The following UBE2E2 variants were observed in gnomAD, a reference collection of about 807,000 sequenced individuals.
The protein encoded by UBE2E2 is ubiquitin conjugating enzyme E2 E2.
Under a neutral mutation model 24.7 loss-of-function variants are expected in UBE2E2, and 6 were observed. That is an observed-to-expected ratio of 0.24 (90% CI 0.13 to 0.48). UBE2E2 has a LOEUF of 0.48. Among genes scored for constraint, UBE2E2 ranks in the 20% least tolerant of loss-of-function variants. The pLI is 0.99. For synonymous variants in UBE2E2, 104 were observed against 83.6 expected (o/e 1.24, Z -1.33); for missense variants, 169 against 245.0 (o/e 0.69, Z 2.07).
chr3:23,497,476 T>C (rs927797676), intron 3 of UBE2E2, among the ~76,000 whole-genome samples: 9 of 152,350 alleles, frequency 5.9e-5, no homozygotes, highest in African/African-American at 1.9e-4. Context: ...GCTACAAAAT[T>C]ATTACAGTAG....
intron 3 of UBE2E2, among the ~76,000 whole-genome samples, chr3:23,409,692 T>C: frequency 6.6e-6 from 1 of 152,172 alleles, no homozygotes; most frequent in Non-Finnish European, 1.5e-5. Context: ...AAAAGAAATT[T>C]ATTCTCTTGC....
intron 3 of UBE2E2, among the ~76,000 whole-genome samples, chr3:23,394,386 A>G (rs1697026297): frequency 6.6e-6 from 1 of 152,212 alleles, no homozygotes; most frequent in Non-Finnish European, 1.5e-5. Flanking sequence ...GTCCTCAAGC[A>G]TGTTCACCAT....
At chr3:23,423,296 A>G (rs1416195488) in intron 3 of UBE2E2, among the ~76,000 whole-genome samples, 1 of 152,230 alleles carries the variant, frequency 6.6e-6, no homozygotes, top group Non-Finnish European at 1.5e-5. Context: ...GATCTAATAC[A>G]TTAGCAAAGT....
intron 3 of UBE2E2, among the ~76,000 whole-genome samples, chr3:23,454,912 C>A (rs921355534): frequency 6.6e-6 from 1 of 152,054 alleles, no homozygotes; most frequent in Non-Finnish European, 1.5e-5. Context: ...GTTTACCTTA[C>A]GTTTTGCAGT....
intron 3 of UBE2E2, among the ~76,000 whole-genome samples, chr3:23,367,677 A>G (rs1317719386): frequency 1.3e-5 from 2 of 152,144 alleles, no homozygotes; most frequent in African/African-American, 4.8e-5. Context: ...GGGCAGATTA[A>G]TTGAACCCAA....
chr3:23,511,152 A>G (rs1312995128), intron 4 of UBE2E2, among the ~76,000 whole-genome samples: 1 of 152,210 alleles, frequency 6.6e-6, no homozygotes, highest in Non-Finnish European at 1.5e-5. Flanking sequence ...GAGCAAGATA[A>G]TACTTTGTAG....
intron 3 of UBE2E2, among the ~76,000 whole-genome samples, chr3:23,230,635 A>T (rs1329201385): frequency 2.0e-5 from 3 of 151,844 alleles, no homozygotes; most frequent in African/African-American, 7.3e-5. Context: ...AAATACAAAA[A>T]ATTAGCCCGG....
intron 3 of UBE2E2, among the ~76,000 whole-genome samples, chr3:23,476,941 T>G (rs557949349): frequency 6.6e-6 from 1 of 152,286 alleles, no homozygotes; most frequent in Non-Finnish European, 1.5e-5. Context: ...GAAGTTTGTG[T>G]TAAGTTCCTT....
chr3:23,555,916 T>C (rs528386998), intron 5 of UBE2E2, among the ~76,000 whole-genome samples: 1 of 152,172 alleles, frequency 6.6e-6, no homozygotes, highest in African/African-American at 2.4e-5. Flanking sequence ...GGATATAAAG[T>C]AACAAGTAGA....
chr3:23,341,537 G>A (rs1416297643), intron 3 of UBE2E2, among the ~76,000 whole-genome samples: 1 of 152,110 alleles, frequency 6.6e-6, no homozygotes, highest in Non-Finnish European at 1.5e-5. Flanking sequence ...TTTGAGTGTA[G>A]GTAAGCTTAG....
chr3:23,531,799 C>A (rs998804818), intron 4 of UBE2E2, among the ~76,000 whole-genome samples: 1 of 152,080 alleles, frequency 6.6e-6, no homozygotes, highest in African/African-American at 2.4e-5. Flanking sequence ...TGTTGGCTTA[C>A]ACCTGTAATC....
chr3:23,420,168 G>A (rs527968927), intron 3 of UBE2E2, among the ~76,000 whole-genome samples: 1 of 152,290 alleles, frequency 6.6e-6, no homozygotes, highest in East Asian at 1.9e-4. Flanking sequence ...TCTGCTAAAT[G>A]TAAGCTCTTT....
chr3:23,228,009 A>C (rs1156614756), intron 3 of UBE2E2, among the ~76,000 whole-genome samples: 2 of 152,194 alleles, frequency 1.3e-5, no homozygotes, highest in Non-Finnish European at 2.9e-5. Context: ...TTGTTATTTC[A>C]AATGGGGAAC....
intron 3 of UBE2E2, among the ~76,000 whole-genome samples, chr3:23,334,274 C>T (rs945989383): frequency 2.0e-5 from 3 of 151,798 alleles, no homozygotes; most frequent in Non-Finnish European, 4.4e-5. Flanking sequence ...TCTAGTAAAA[C>T]TTACTAGTAC....
chr3:23,513,017 C>G (rs1346273490), intron 4 of UBE2E2, among the ~76,000 whole-genome samples: 1 of 152,062 alleles, frequency 6.6e-6, no homozygotes, highest in Non-Finnish European at 1.5e-5. Flanking sequence ...TATGTTTCCC[C>G]CATACTTGGC....
intron 5 of UBE2E2, among the ~76,000 whole-genome samples, chr3:23,556,472 AGC>A (rs1695789371): frequency 1.3e-5 from 2 of 149,330 alleles, no homozygotes; most frequent in African/African-American, 4.9e-5. Context: ...AAAAAAAAAA[AGC>A]TATACTGAAC....
chr3:23,231,873 C>A (rs1424261109), intron 3 of UBE2E2, among the ~76,000 whole-genome samples: 1 of 152,148 alleles, frequency 6.6e-6, no homozygotes, highest in Non-Finnish European at 1.5e-5. Context: ...AGGTTGAGGT[C>A]TGGAAGGATC....
chr3:23,313,083 A>G (rs1384208233), intron 3 of UBE2E2, among the ~76,000 whole-genome samples: 1 of 152,016 alleles, frequency 6.6e-6, no homozygotes, highest in African/African-American at 2.4e-5. Context: ...GTTGGGTGAA[A>G]TGTTCTATAA....
At chr3:23,414,783 T>C (rs1697584286) in intron 3 of UBE2E2, among the ~76,000 whole-genome samples, 1 of 152,166 alleles carries the variant, frequency 6.6e-6, no homozygotes, top group Non-Finnish European at 1.5e-5. Flanking sequence ...TAAAAGAGGC[T>C]GAGGAAGCTT....
Sources: allele counts gnomAD v4.1 joint callset (sites outside exome capture counted in the v4.1 genomes callset), GRCh38; gene constraint gnomAD v4.1.1; transcripts MANE v1.5; gene names NCBI Gene and HGNC (gene_info 2026-07-23, HGNC 2026-07-21).